The following CDH18 variants were observed in gnomAD, a reference collection of about 807,000 sequenced individuals.
The protein encoded by CDH18 is cadherin 18, also known as cadherin-18.
A neutral mutation model predicts 67.9 loss-of-function variants in CDH18; 31 were observed. The ratio of observed to expected loss-of-function variants is 0.46; its 90% CI spans 0.34 to 0.62. The LOEUF (loss-of-function observed/expected upper bound fraction) is 0.62. Ranked by LOEUF, CDH18 falls within the 20% of genes least tolerant of loss-of-function variation. CDH18 has a pLI of 0.01. For missense variants in CDH18, 890 were observed against 975.5 expected, an observed-to-expected ratio of 0.91 and a Z score of 1.17; for synonymous variants, 362 against 347.2, an observed-to-expected ratio of 1.04 and a Z score of -0.48.
chr5:19,516,899 T>C (rs939943935), intron 10 of CDH18, among the ~76,000 whole-genome samples: 1 of 152,120 alleles, frequency 6.6e-6, no homozygotes, highest in Non-Finnish European at 1.5e-5. Flanking sequence ...ATGTCTTTGT[T>C]GGTTCCAGTC....
chr5:19,911,191 T>G (rs933364983), intron 2 of CDH18, among the ~76,000 whole-genome samples: 4 of 152,146 alleles, frequency 2.6e-5, no homozygotes, highest in Admixed American at 6.5e-5. Flanking sequence ...ATTATACTCC[T>G]CTCCCTGAAC....
chr5:19,950,324 G>A (rs1052636029), intron 2 of CDH18, among the ~76,000 whole-genome samples: 2 of 151,990 alleles, frequency 1.3e-5, no homozygotes, highest in Non-Finnish European at 2.9e-5. Flanking sequence ...TAAGCCATGA[G>A]GACACAAAGG....
chr5:20,551,335 G>A (rs1757621063), intron 1 of CDH18, among the ~76,000 whole-genome samples: 1 of 152,048 alleles, frequency 6.6e-6, no homozygotes, highest in Non-Finnish European at 1.5e-5. Flanking sequence ...CTTTTACAGT[G>A]GTGTCAAATT....
At chr5:20,507,163 C>T (rs903909570) in intron 1 of CDH18, among the ~76,000 whole-genome samples, 1 of 152,182 alleles carries the variant, frequency 6.6e-6, no homozygotes, top group Admixed American at 6.5e-5. Flanking sequence ...CAGTTTTGAG[C>T]CAGCCCAGTG....
At chr5:20,331,680 T>C (rs1739201989) in intron 1 of CDH18, among the ~76,000 whole-genome samples, 1 of 152,120 alleles carries the variant, frequency 6.6e-6, no homozygotes, top group African/African-American at 2.4e-5. Context: ...AAGGTAATCT[T>C]TGAGACCAGG....
intron 2 of CDH18, among the ~76,000 whole-genome samples, chr5:20,223,376 T>C (rs1468633149): frequency 6.6e-6 from 1 of 152,202 alleles, no homozygotes; most frequent in Non-Finnish European, 1.5e-5. Context: ...GCCCTCATTG[T>C]ATCTAGGAAG....
At chr5:19,905,479 C>T in intron 2 of CDH18, among the ~76,000 whole-genome samples, 1 of 37,282 alleles carries the variant, frequency 2.7e-5, no homozygotes, top group East Asian at 9.1e-4. Flanking sequence ...ACATTTAGAT[C>T]ATATCCAATT....
chr5:20,342,233 G>A lies in CDH18; in HGVS notation c.-579-86728C>T, dbSNP rs576085594. Among the ~76,000 whole-genome samples, 24 of 152,226 alleles carry A rather than the reference G, an allele frequency of 1.6e-4. 1 individual carries two copies. In the East Asian group the frequency reaches 2.9e-3, roughly 18 times the overall value. ...GGACCCTGCAACTTGGAATGGGGAC[G>A]TGTGGGAGGACCCTGATGAAGCTGG... On this transcript the variant is annotated intron_variant, in intron 1 of 14. Transcript: ENST00000507958.
chr5:19,562,711 C>T lies in CDH18; in HGVS notation c.1253+8868G>A, dbSNP rs546346788. Reference sequence around the variant, plus strand: ...ATCATAAGCATTTGAAACAATTATGCGAAATATTTAATCATTTATTTCCTT... The same window carrying T: ...ATCATAAGCATTTGAAACAATTATGTGAAATATTTAATCATTTATTTCCTT... On this transcript the variant is annotated intron_variant, in intron 8 of 12. Transcript: ENST00000382275. Among the ~76,000 whole-genome samples, 46 of 152,066 alleles carry T rather than the reference C, an allele frequency of 3.0e-4. 2 individuals are homozygous for T. Among genetic ancestry groups the T allele is most frequent in the South Asian group, 2.1e-3 (10 of 4,824 alleles).
intron 2 of CDH18, among the ~76,000 whole-genome samples, chr5:19,973,180 T>C (rs1798189229): frequency 6.6e-6 from 1 of 152,074 alleles, no homozygotes; most frequent in South Asian, 2.1e-4. Flanking sequence ...AAAAACACTG[T>C]GGAAATATTT....
At chr5:20,076,066 AC>A (rs1461950902) in intron 2 of CDH18, among the ~76,000 whole-genome samples, 13 of 152,158 alleles carry the variant, frequency 8.5e-5, no homozygotes, top group Non-Finnish European at 1.0e-4. Context: ...ATGTAACTTC[AC>A]TTGTACCCCT....
chr5:20,273,615 T>C (rs181814199), intron 1 of CDH18, among the ~76,000 whole-genome samples: 48 of 152,228 alleles, frequency 3.2e-4, no homozygotes, highest in African/African-American at 1.1e-3. Context: ...TTCTGAATTA[T>C]TAAATCTTGA....
intron 4 of CDH18, among the ~76,000 whole-genome samples, chr5:19,724,485 A>C (rs1440250176): frequency 6.7e-6 from 1 of 148,506 alleles, no homozygotes; most frequent in African/African-American, 2.5e-5. Flanking sequence ...AATTCTGTAG[A>C]ACTGAGCACA....
intron 2 of CDH18, among the ~76,000 whole-genome samples, chr5:19,856,570 C>T (rs562884118): frequency 8.6e-5 from 13 of 152,032 alleles, no homozygotes; most frequent in African/African-American, 3.1e-4. Context: ...CCAGTACCTC[C>T]GAATGTGAAC....
At chr5:19,568,376 G>A (rs945396337) in intron 8 of CDH18, among the ~76,000 whole-genome samples, 1 of 152,156 alleles carries the variant, frequency 6.6e-6, no homozygotes, top group Non-Finnish European at 1.5e-5. Flanking sequence ...AGAGGAGCTT[G>A]GAGCTAGCTA....
chr5:20,393,975 C>T (rs969090108), intron 1 of CDH18, among the ~76,000 whole-genome samples: 2 of 151,938 alleles, frequency 1.3e-5, no homozygotes, highest in East Asian at 1.9e-4. Context: ...ATGACAATGA[C>T]CATACTGCCC....
chr5:19,747,729 C>A (rs1770214928), intron 3 of CDH18, among the ~76,000 whole-genome samples: 1 of 145,978 alleles, frequency 6.9e-6, no homozygotes, highest in Non-Finnish European at 1.5e-5. Flanking sequence ...ATATTTAAGT[C>A]ATAGTCACAG....
At chr5:19,536,201 C>T (rs1749394313) in intron 9 of CDH18, among the ~76,000 whole-genome samples, 1 of 151,702 alleles carries the variant, frequency 6.6e-6, no homozygotes, top group Non-Finnish European at 1.5e-5. Context: ...TGAAAAAATA[C>T]TACAATGAAA....
chr5:19,946,389 GAGGAA>G (rs1795283786), intron 2 of CDH18, among the ~76,000 whole-genome samples: 2 of 152,174 alleles, frequency 1.3e-5, no homozygotes, highest in Admixed American at 1.3e-4. Flanking sequence ...TATGTTAATA[GAGGAA>G]AGGAAAGAAA....
Sources: allele counts gnomAD v4.1 joint callset (sites outside exome capture counted in the v4.1 genomes callset), GRCh38; gene constraint gnomAD v4.1.1; transcripts MANE v1.5; gene names NCBI Gene and HGNC (gene_info 2026-07-23, HGNC 2026-07-21).